DMD: variants seen among roughly 807,000 people sequenced by gnomAD.
DMD encodes the protein mutant dystrophin.
A neutral mutation model predicts 330.1 loss-of-function variants in DMD; 63 were observed. The ratio of observed to expected loss-of-function variants is 0.19; its 90% CI spans 0.16 to 0.24. The LOEUF (loss-of-function observed/expected upper bound fraction) is 0.24. DMD is among the 10% of genes least tolerant of loss of function. The pLI, the probability that DMD is intolerant of heterozygous loss-of-function variation, is 1.00. For missense variants in DMD, 3,344 were observed against 2,684.1 expected (o/e 1.25, Z -5.43); for synonymous variants, 1,223 against 959.8 (o/e 1.27, Z -5.07).
chrX:32,782,947 T>C (rs1464298696), intron 7 of DMD, among the ~76,000 whole-genome samples: 2 of 95,977 alleles, frequency 2.1e-5, no homozygotes, highest in South Asian at 4.2e-4. Flanking sequence ...AAAAATTATA[T>C]ACACACACAC....
At chrX:32,011,478 G>A (rs1474380211) in intron 44 of DMD, among the ~76,000 whole-genome samples, 1 of 111,990 alleles carries the variant, frequency 8.9e-6, no homozygotes, top group Non-Finnish European at 1.9e-5. Flanking sequence ...TTCTCTGGAT[G>A]GAATACGTCA....
chrX:33,031,314 A>AG (rs1277824633), intron 1 of DMD, among the ~76,000 whole-genome samples: 4 of 111,147 alleles, frequency 3.6e-5, no homozygotes, highest in Non-Finnish European at 7.5e-5. Flanking sequence ...AAAAAAAAAA[A>AG]AAACAATGGA....
chrX:31,300,872 G>A (rs2054590568), intron 62 of DMD, among the ~76,000 whole-genome samples: 1 of 112,062 alleles, frequency 8.9e-6, no homozygotes, highest in Non-Finnish European at 1.9e-5. Flanking sequence ...GCTGCAAAGA[G>A]GTTGCTCCCA....
chrX:32,107,789 A>T (rs2096571710), intron 44 of DMD, among the ~76,000 whole-genome samples: 1 of 111,448 alleles, frequency 9.0e-6, no homozygotes, highest in African/African-American at 3.3e-5. Flanking sequence ...TTGACCAAAT[A>T]TCTGGGCACC....
intron 2 of DMD, among the ~76,000 whole-genome samples, chrX:33,007,260 G>A (rs191288574): frequency 6.4e-4 from 71 of 110,545 alleles, no homozygotes; most frequent in Non-Finnish European, 1.0e-3. Flanking sequence ...AGATCCTACC[G>A]CTCTTCCTCA....
chrX:32,597,357 C>T (rs1188750333), intron 12 of DMD, among the ~76,000 whole-genome samples: 1 of 111,732 alleles, frequency 8.9e-6, no homozygotes, highest in African/African-American at 3.3e-5. Flanking sequence ...CTGTCCTTCT[C>T]ACTATGTATT....
At chrX:32,610,578 T>C (rs2057090130) in intron 12 of DMD, among the ~76,000 whole-genome samples, 1 of 111,120 alleles carries the variant, frequency 9.0e-6, no homozygotes, top group South Asian at 3.7e-4. Flanking sequence ...ATTTTAATCT[T>C]GCCCTCCAGT....
At chrX:31,694,098 C>A (rs1034375647) in intron 52 of DMD, among the ~76,000 whole-genome samples, 2 of 110,971 alleles carry the variant, frequency 1.8e-5, no homozygotes, top group African/African-American at 6.5e-5. Context: ...CTAAAATAAA[C>A]CTACACACCT....
intron 9 of DMD, among the ~76,000 whole-genome samples, chrX:32,654,288 T>C (rs1386494086): frequency 2.7e-5 from 3 of 111,897 alleles, no homozygotes; most frequent in African/African-American, 9.8e-5. Flanking sequence ...GCTGTGGGTT[T>C]GTCATACATA....
intron 40 of DMD, chrX:32,342,812 G>C (rs1048940071): frequency 5.5e-6 from 2 of 364,288 alleles, no homozygotes; most frequent in Admixed American, 3.1e-5. Context: ...GCTAACATGA[G>C]TAAGAAGTCG....
At chrX:32,818,047 A>G (rs949649194) in intron 5 of DMD, among the ~76,000 whole-genome samples, 1 of 111,917 alleles carries the variant, frequency 8.9e-6, no homozygotes, top group African/African-American at 3.2e-5. Flanking sequence ...ATAATTACGT[A>G]ATTTGTCTCA....
chrX:32,677,110 A>G (rs916458314), intron 9 of DMD, among the ~76,000 whole-genome samples: 3 of 111,656 alleles, frequency 2.7e-5, no homozygotes, highest in African/African-American at 9.7e-5. Flanking sequence ...TGAAACTCCT[A>G]TAAAATTAAT....
chrX:33,015,370 G>T (rs1035741170), intron 2 of DMD, among the ~76,000 whole-genome samples: 2 of 111,099 alleles, frequency 1.8e-5, no homozygotes, highest in Non-Finnish European at 3.8e-5. Flanking sequence ...CAGGGACATG[G>T]ATGGAGTTGG....
intron 7 of DMD, among the ~76,000 whole-genome samples, chrX:32,732,324 T>A (rs778278504): frequency 1.6e-3 from 182 of 111,207 alleles, no homozygotes; most frequent in Non-Finnish European, 2.9e-3. Context: ...TGGAACCAAT[T>A]TGGAAAACAC....
At chrX:32,386,103 G>A (rs904393349) in intron 33 of DMD, among the ~76,000 whole-genome samples, 4 of 109,606 alleles carry the variant, frequency 3.6e-5, no homozygotes, top group African/African-American at 1.3e-4. Flanking sequence ...ATTCCACATC[G>A]AAATATGTGT....
At chrX:32,156,456 G>T (rs1469037612) in intron 44 of DMD, among the ~76,000 whole-genome samples, 1 of 112,100 alleles carries the variant, frequency 8.9e-6, no homozygotes, top group African/African-American at 3.2e-5. Flanking sequence ...GTTGAAAACC[G>T]TATGTATTAT....
intron 9 of DMD, among the ~76,000 whole-genome samples, chrX:32,647,710 G>A (rs768486452): frequency 5.4e-5 from 6 of 111,792 alleles, no homozygotes; most frequent in Non-Finnish European, 1.1e-4. Context: ...AGTGCATAAT[G>A]CACTTCACAG....
At chrX:32,483,410 T>C (rs1056209002) in intron 21 of DMD, among the ~76,000 whole-genome samples, 1 of 107,117 alleles carries the variant, frequency 9.3e-6, no homozygotes, top group Non-Finnish European at 1.9e-5. Flanking sequence ...CTATATATTA[T>C]TACGTATTTA....
At chrX:32,885,827 G>GAAAAAAAA (rs35272541) in intron 2 of DMD, among the ~76,000 whole-genome samples, 1 of 64,933 alleles carries the variant, frequency 1.5e-5, no homozygotes, top group African/African-American at 5.7e-5. Flanking sequence ...CCTTGAGGGG[G>GAAAAAAAA]AAAAAAAAAA....
Sources: gnomAD v4.1 joint callset for allele counts (sites outside exome capture counted in the v4.1 genomes callset) on GRCh38, gnomAD v4.1.1 for gene constraint, MANE v1.5 for transcripts, NCBI Gene and HGNC (gene_info 2026-07-23, HGNC 2026-07-21) for gene names.